NLRC5: variants seen among roughly 807,000 people sequenced by gnomAD.
NLRC5 encodes the protein protein NLRC5.
A neutral mutation model predicts 206.9 loss-of-function variants in NLRC5; 114 were observed. That is an observed-to-expected ratio of 0.55 (90% CI 0.47 to 0.64). NLRC5 has a LOEUF of 0.64. Among genes scored for constraint, NLRC5 ranks in the 30% least tolerant of loss-of-function variants. The probability of loss-of-function intolerance (pLI) is 0.00; values close to 1 mark genes in which losing one functional copy is unlikely to be tolerated. For missense variants in NLRC5, 2,008 were observed against 2,305.5 expected (o/e 0.87, Z 2.64); for synonymous variants, 952 against 962.8 (o/e 0.99, Z 0.21).
chr16:57,065,339 T>C, intron 33 of NLRC5, 41 bp downstream of exon 33: 1 of 1,410,672 alleles, frequency 7.1e-7, no homozygotes, highest in Non-Finnish European at 9.6e-7. Flanking sequence ...TCTTCATCTT[T>C]CATAAGCATT....
intron 1 of NLRC5, among the ~76,000 whole-genome samples, chr16:56,995,450 A>G (rs1329821892): frequency 6.6e-6 from 1 of 152,230 alleles, no homozygotes; most frequent in African/African-American, 2.4e-5. Context: ...TCAATCCTCA[A>G]AGTGGACTCC....
At chr16:57,028,564 G>A (rs1241242584) in intron 8 of NLRC5, among the ~76,000 whole-genome samples, 179 bp downstream of exon 8, 5 of 152,196 alleles carry the variant, frequency 3.3e-5, no homozygotes, top group Non-Finnish European at 5.9e-5. Context: ...AAGGCTCCCA[G>A]AGTCCCCAGA....
chr16:57,077,156 G>A (rs1430709254), intron 40 of NLRC5, 140 bp from the exon 41 acceptor site: 7 of 762,572 alleles, frequency 9.2e-6, no homozygotes, highest in African/African-American at 5.2e-5. Flanking sequence ...GTTAGGAGCT[G>A]TCACTCAACA....
chr16:57,025,855 G>T lies in NLRC5; in HGVS notation c.912G>T (p.Leu304=), dbSNP rs763212603. 37 of 1,614,136 alleles carry T rather than the reference G, an allele frequency of 2.3e-5. No homozygotes were observed. The Admixed American group carries it at 6.2e-4, about 27-fold the overall frequency. The change falls in exon 6 of 49, where the codon CTG becomes CTT. Residue 304 remains leucine, a synonymous_variant. Coordinates refer to ENST00000688547, the MANE Select transcript of NLRC5 (RefSeq NM_001384950.1). The part of the protein sequence containing the change: ...YLEKNADQVL[L]IFDGLDEALQ... ...AGAAGAACGCTGACCAAGTCCTGCT[G>T]ATCTTTGATGGGCTAGATGAGGCCC...
intron 1 of NLRC5, among the ~76,000 whole-genome samples, chr16:57,003,102 C>T (rs1178506286): frequency 2.6e-5 from 4 of 151,736 alleles, no homozygotes; most frequent in Non-Finnish European, 5.9e-5. Flanking sequence ...CTCTGTCGCC[C>T]AGACTGGAGT....
chr16:56,992,895 T>A (rs2057084925), intron 1 of NLRC5, among the ~76,000 whole-genome samples: 2 of 152,158 alleles, frequency 1.3e-5, no homozygotes, highest in Non-Finnish European at 2.9e-5. Context: ...TGTTTTAAAA[T>A]TTTTAATTTT....
At chr16:57,065,989 C>T (rs989033338) in intron 33 of NLRC5, among the ~76,000 whole-genome samples, 7 of 152,180 alleles carry the variant, frequency 4.6e-5, no homozygotes, top group African/African-American at 1.2e-4. Flanking sequence ...GAGCTTAGAG[C>T]GCAAATGCAG....
chr16:57,077,683 G>C lies in NLRC5; in HGVS notation c.4920-36G>C, dbSNP rs779505945. 3.9e-6 allele frequency: 6 copies of C among 1,527,524 alleles called. No individual in the cohort carries two copies. The African/African-American group carries it at 6.9e-5, about 18-fold the overall frequency. The allele number at this position is 1,527,524 out of a possible 1,614,324, so 94.6% of individuals were successfully genotyped here. On this transcript the variant is annotated intron_variant, in intron 41 of 48. Transcript: ENST00000688547. Reference sequence around the variant, plus strand: ...TGTGCTGGGGTGTCGGGGAGAGGGGGCATCAGAGGACCTGATGGCTGCCCC... The same window carrying C: ...TGTGCTGGGGTGTCGGGGAGAGGGGCCATCAGAGGACCTGATGGCTGCCCC...
At chr16:57,004,301 G>A (rs2058660264) in intron 1 of NLRC5, among the ~76,000 whole-genome samples, 1 of 152,154 alleles carries the variant, frequency 6.6e-6, no homozygotes, top group East Asian at 1.9e-4. Context: ...TTTAAATTGA[G>A]ACCAGCTCTC....
At chr16:57,033,539 A>G (rs1374694013) in intron 11 of NLRC5, 65 bp from the exon 12 acceptor site, 2 of 1,527,490 alleles carry the variant, frequency 1.3e-6, no homozygotes, top group Non-Finnish European at 1.8e-6. Flanking sequence ...AGCCAAGGAA[A>G]GAGGCTTGAT....
In NLRC5 at chr16:57,055,445, C is replaced by A; in HGVS notation, c.3672C>A (p.Gly1224=). The A allele has an allele frequency of 6.2e-7, 1 of 1,614,012 alleles. No individual in the cohort carries two copies. The highest frequency in any genetic ancestry group is 8.5e-7 in the Non-Finnish European group (1 of 1,179,942). ...TACCTCCGTCCAGCAGGTTCACAGGCTGCAGCCTCAGCCAGGAGCACGTAG... is the reference window on the plus strand; with the variant it reads ...TACCTCCGTCCAGCAGGTTCACAGGATGCAGCCTCAGCCAGGAGCACGTAG... ...EEGVCCGRFT[G]CSLSQEHVES... Residue 1224 remains glycine (G), a synonymous_variant, in exon 27 of 49, where the codon GGC becomes GGA. Transcript: ENST00000688547.
intron 22 of NLRC5, among the ~76,000 whole-genome samples, 153 bp downstream of exon 22, chr16:57,046,794 G>A (rs2064037039): frequency 6.6e-6 from 1 of 152,206 alleles, no homozygotes; most frequent in African/African-American, 2.4e-5. Context: ...TGGGTGTGAG[G>A]GGTGCTGGGA....
chr16:57,019,396 C>CA (rs35500096), intron 2 of NLRC5, among the ~76,000 whole-genome samples: 17,292 of 144,730 alleles, frequency 0.12, 1,042 homozygotes, highest in African/African-American at 0.16. Context: ...GACTCTGTCT[C>CA]AAAAAAAAAA....
Position 57,081,233 on chromosome 16 carries a change from C to T in NLRC5, c.5405+52C>T, listed in dbSNP as rs749180147. On this transcript the variant is annotated intron_variant, in intron 47 of 48. Coordinates refer to ENST00000688547, the MANE Select transcript of NLRC5 (RefSeq NM_001384950.1). ...ACGGGCTAAAGGGGGACCTACATCCCGGGAACACCAAGAGGCCACTGGGTC... is the reference window on the plus strand; with the variant it reads ...ACGGGCTAAAGGGGGACCTACATCCTGGGAACACCAAGAGGCCACTGGGTC... 3.5e-5 allele frequency: 52 copies of T among 1,503,558 alleles called. No individual in the cohort carries two copies. The South Asian group carries it at 3.8e-4, about 11-fold the overall frequency. The allele number at this position is 1,503,558 out of a possible 1,614,324, so 93.1% of individuals were successfully genotyped here. A position where few individuals can be genotyped will look rare whatever the true frequency, so the allele number is the denominator to read the frequency against.
intron 11 of NLRC5, among the ~76,000 whole-genome samples, chr16:57,032,258 G>A (rs1216034258): frequency 6.6e-6 from 1 of 151,728 alleles, no homozygotes; most frequent in Admixed American, 6.6e-5. Flanking sequence ...AAAAAAGGCA[G>A]GCGTGGTGGT....
intron 1 of NLRC5, among the ~76,000 whole-genome samples, chr16:56,994,196 G>A (rs772960617): frequency 6.6e-6 from 1 of 152,024 alleles, no homozygotes; most frequent in African/African-American, 2.4e-5. Context: ...GAAAGAAAAG[G>A]GGGTGGAGGG....
chr16:57,018,075 G>A (rs1278626531), intron 2 of NLRC5, among the ~76,000 whole-genome samples: 2 of 152,228 alleles, frequency 1.3e-5, no homozygotes, highest in Non-Finnish European at 2.9e-5. Context: ...AGACTGGCTG[G>A]AGGAGAAATT....
chr16:57,049,308 A>C (rs1232909549), intron 23 of NLRC5, among the ~76,000 whole-genome samples: 1 of 152,170 alleles, frequency 6.6e-6, no homozygotes, highest in African/African-American at 2.4e-5. Flanking sequence ...GTGCTACAAA[A>C]AGCACTCTTA....
At chr16:57,081,221 G>C (rs775400027) in intron 47 of NLRC5, 40 bp downstream of exon 47, 78 of 1,522,336 alleles carry the variant, frequency 5.1e-5, no homozygotes, top group Non-Finnish European at 6.3e-5. Context: ...GGCTAAAGGG[G>C]GACCTACATC....
Sources: gnomAD v4.1 joint callset for allele counts (sites outside exome capture counted in the v4.1 genomes callset) on GRCh38, gnomAD v4.1.1 for gene constraint, MANE v1.5 for transcripts, NCBI Gene and HGNC (gene_info 2026-07-23, HGNC 2026-07-21) for gene names.